PTPRN2: variants seen among roughly 807,000 people sequenced by gnomAD.
The protein encoded by PTPRN2 is protein tyrosine phosphatase receptor type N2.
A neutral mutation model predicts 118.8 loss-of-function variants in PTPRN2; 74 were observed. That is an observed-to-expected ratio of 0.62 (90% CI 0.52 to 0.76). The LOEUF (loss-of-function observed/expected upper bound fraction) is 0.76. PTPRN2 is among the 30% of genes least tolerant of loss of function. The pLI, the probability that PTPRN2 is intolerant of heterozygous loss-of-function variation, is 0.00. For synonymous variants in PTPRN2, 641 were observed against 608.0 expected, an observed-to-expected ratio of 1.05 and a Z score of -0.80; for missense variants, 1,481 against 1,394.4, an observed-to-expected ratio of 1.06 and a Z score of -0.99.
At position 157,734,247 on chromosome 7, in the gene PTPRN2, C is replaced by CAGTT. The variant is rs1268299456; in HGVS notation, c.1789-51311_1789-51310insAACT. 1.2e-3 allele frequency among the ~76,000 whole-genome samples: 175 copies of CAGTT among 146,310 alleles called. 18 individuals carry two copies. Among genetic ancestry groups the CAGTT allele is most frequent in the African/African-American group, 2.5e-3 (97 of 38,602 alleles). ...ACTCTTCCACCCCATGCTCCCAGCA[C>CAGTT]ACTCTTCCGTCCCATGTGCCCAGTG... On this transcript the variant is annotated intron_variant, in intron 12 of 22. Transcript: ENST00000389418.
intron 12 of PTPRN2, among the ~76,000 whole-genome samples, chr7:157,800,748 C>G (rs895308921): frequency 2.6e-5 from 4 of 151,846 alleles, no homozygotes; most frequent in Non-Finnish European, 5.9e-5. Flanking sequence ...GTCAGGAGAT[C>G]GAGACCATCC....
In PTPRN2 at chr7:157,583,886, AC is replaced by A. The variant is rs1487272306; in HGVS notation, c.2497-5747del. Among the ~76,000 whole-genome samples the A allele has an allele frequency of 1.5e-4, 1 of 6,802 alleles. No individual in the cohort carries two copies. Among genetic ancestry groups the A allele is most frequent in the Non-Finnish European group, 3.1e-4 (1 of 3,190 alleles). 4.5% of individuals were successfully genotyped at this position (6,802 alleles called of 152,430 possible). On this transcript the variant is annotated intron_variant, in intron 17 of 22. Coordinates refer to ENST00000389418, the MANE Select transcript of PTPRN2 (RefSeq NM_002847.5). This position sits in a 1 kb window ranked among gnomAD's most constrained non-coding sequence, Gnocchi z 5.5. ...GACAGAGCGAGACTCTGTCTCAAAC[AC>A]ACACACACACACACACACACACACA...
intron 2 of PTPRN2, among the ~76,000 whole-genome samples, chr7:158,418,351 G>A (rs145919682): frequency 0.022 from 3,086 of 138,716 alleles, 167 homozygotes; most frequent in African/African-American, 0.078. Flanking sequence ...TCCGTGTCCC[G>A]CTGTGTTAAG....
chr7:158,060,301 C>CACTCCATCT, intron 11 of PTPRN2, among the ~76,000 whole-genome samples: 1 of 137,706 alleles, frequency 7.3e-6, no homozygotes, highest in Admixed American at 6.9e-5. Flanking sequence ...ACTGCAGCCA[C>CACTCCATCT]GCTCCATCTG....
intron 12 of PTPRN2, among the ~76,000 whole-genome samples, chr7:157,836,899 C>T (rs895408178): frequency 6.6e-6 from 1 of 151,742 alleles, no homozygotes; most frequent in African/African-American, 2.4e-5. Flanking sequence ...CTTACTCATC[C>T]ATCTACCCAC....
At chr7:157,819,740 G>C (rs376653093) in intron 12 of PTPRN2, among the ~76,000 whole-genome samples, 1 of 151,990 alleles carries the variant, frequency 6.6e-6, no homozygotes, top group Non-Finnish European at 1.5e-5. Flanking sequence ...CCCTCTGCAC[G>C]CCCCATCACC....
chr7:157,900,733 C>T (rs1797391778), intron 11 of PTPRN2, among the ~76,000 whole-genome samples: 2 of 152,244 alleles, frequency 1.3e-5, no homozygotes, highest in South Asian at 2.1e-4. Flanking sequence ...CCTCAACATC[C>T]TCAGCACGGC....
intron 3 of PTPRN2, among the ~76,000 whole-genome samples, chr7:158,262,948 A>G (rs1197444667): frequency 6.9e-6 from 1 of 144,428 alleles, no homozygotes; most frequent in East Asian, 2.1e-4. Flanking sequence ...ACACACATTC[A>G]CACACATACA....
At chr7:158,085,607 C>T (rs1270191382) in intron 10 of PTPRN2, among the ~76,000 whole-genome samples, 1 of 133,554 alleles carries the variant, frequency 7.5e-6, no homozygotes, top group Non-Finnish European at 1.6e-5. Flanking sequence ...CATCCACACC[C>T]ACGACGCCCA....
chr7:158,033,761 C>G (rs184010260), intron 11 of PTPRN2, among the ~76,000 whole-genome samples: 2 of 144,886 alleles, frequency 1.4e-5, no homozygotes, highest in Admixed American at 6.9e-5. Context: ...CTCTGAGACC[C>G]GGGTGCACAT....
intron 12 of PTPRN2, among the ~76,000 whole-genome samples, chr7:157,825,412 C>T (rs1425657436): frequency 6.6e-6 from 1 of 152,148 alleles, no homozygotes; most frequent in Non-Finnish European, 1.5e-5. Context: ...AGACTGCCTC[C>T]CCCCCAGACT....
rs1827940834 is a variant in PTPRN2, at chr7:158,570,306, C to T, written c.112+17252G>A. 6.6e-6 allele frequency among the ~76,000 whole-genome samples: 1 copy of T among 152,222 alleles called. No homozygotes were observed. The highest frequency in any genetic ancestry group is 2.1e-4 in the South Asian group (1 of 4,832). ...GTATAAGGGACGCCCTCAGAGGCCT[C>T]CACCCCACACTCCACCGCGCTCTGC... On this transcript the variant is annotated intron_variant, in intron 1 of 22. Coordinates refer to ENST00000389418, the MANE Select transcript of PTPRN2 (RefSeq NM_002847.5). This position sits in a 1 kb window ranked among gnomAD's most constrained non-coding sequence, Gnocchi z 4.5.
chr7:158,480,957 A>G (rs1167830420), intron 2 of PTPRN2, among the ~76,000 whole-genome samples: 2 of 152,298 alleles, frequency 1.3e-5, no homozygotes, highest in Non-Finnish European at 2.9e-5. Context: ...CAAGCTCTCC[A>G]GAAGATCTGG....
chr7:157,989,274 C>G (rs1188445445), intron 11 of PTPRN2, among the ~76,000 whole-genome samples: 1 of 152,110 alleles, frequency 6.6e-6, no homozygotes, highest in Non-Finnish European at 1.5e-5. Flanking sequence ...AAAAGTTAAG[C>G]TAGGCGTGGT....
intron 1 of PTPRN2, among the ~76,000 whole-genome samples, chr7:158,557,965 G>A (rs574893149): frequency 1.3e-5 from 2 of 152,266 alleles, no homozygotes; most frequent in East Asian, 1.9e-4. Context: ...TAACTTCATA[G>A]ACCCCCTTTT....
intron 2 of PTPRN2, among the ~76,000 whole-genome samples, chr7:158,423,458 G>A (rs1324992686): frequency 6.6e-6 from 1 of 152,152 alleles, no homozygotes; most frequent in East Asian, 1.9e-4. Context: ...TGCCTGTCCT[G>A]CCCAGGGCAC....
chr7:158,431,851 C>A (rs1045863354), intron 2 of PTPRN2, among the ~76,000 whole-genome samples: 7 of 152,242 alleles, frequency 4.6e-5, no homozygotes. Context: ...GAGGGACAGG[C>A]TGGTGCCAGG....
chr7:158,064,527 C>T (rs1474545766), intron 11 of PTPRN2, among the ~76,000 whole-genome samples: 2 of 152,154 alleles, frequency 1.3e-5, no homozygotes, highest in Admixed American at 6.5e-5. Context: ...GACACTGCCC[C>T]ATGGTTTCCT....
At position 157,729,834 on chromosome 7, in the gene PTPRN2, G is replaced by A. The variant is rs965204891; in HGVS notation, c.1789-46897C>T. 3.2e-4 allele frequency among the ~76,000 whole-genome samples: 48 copies of A among 152,152 alleles called. No individual in the cohort carries two copies. The highest frequency in any genetic ancestry group is 1.1e-3 in the African/African-American group (45 of 41,444). ...ACGTGGAGGACGGGGAGCGGCAGGC[G>A]GATGAGGGAAGGACCGTCCATTTGA... On this transcript the variant is annotated intron_variant, in intron 12 of 22. Transcript: ENST00000389418. This position sits in a 1 kb window ranked among gnomAD's most constrained non-coding sequence, Gnocchi z 4.3.
Sources: allele counts gnomAD v4.1 joint callset (sites outside exome capture counted in the v4.1 genomes callset), GRCh38; gene constraint gnomAD v4.1.1; non-coding constraint Gnocchi (gnomAD v3.1); transcripts MANE v1.5; gene names NCBI Gene and HGNC (gene_info 2026-07-23, HGNC 2026-07-21).